TBL1X: variants seen among roughly 807,000 people sequenced by gnomAD.
The protein encoded by TBL1X is F-box-like/WD repeat-containing protein TBL1X.
TBL1X carries 10 observed loss-of-function variants against 50.7 expected under a neutral mutation model. That is an observed-to-expected ratio of 0.20 (90% CI 0.12 to 0.33). The LOEUF is 0.33. Among genes scored for constraint, TBL1X ranks in the 10% least tolerant of loss-of-function variants. TBL1X has a pLI of 1.00. For missense variants in TBL1X, 340 were observed against 504.4 expected, an observed-to-expected ratio of 0.67 and a Z score of 3.12; for synonymous variants, 190 against 214.7, an observed-to-expected ratio of 0.88 and a Z score of 1.01.
chrX:9,588,320 C>T (rs1261174398), intron 2 of TBL1X, among the ~76,000 whole-genome samples: 2 of 111,383 alleles, frequency 1.8e-5, no homozygotes, highest in Non-Finnish European at 3.8e-5. Flanking sequence ...TGCTCAGGGG[C>T]GGCTGCACCA....
intron 2 of TBL1X, among the ~76,000 whole-genome samples, chrX:9,634,645 C>T (rs2146582280): frequency 9.0e-6 from 1 of 110,924 alleles, no homozygotes; most frequent in East Asian, 2.8e-4. Context: ...AGCCACTGCG[C>T]CCAGCCTATT....
At chrX:9,537,308 A>T (rs1236653392) in intron 2 of TBL1X, among the ~76,000 whole-genome samples, 1 of 104,600 alleles carries the variant, frequency 9.6e-6, no homozygotes, top group South Asian at 4.8e-4. Flanking sequence ...CCGCCCCCCA[A>T]TTTTTTTTAT....
intron 2 of TBL1X, among the ~76,000 whole-genome samples, chrX:9,616,832 A>T (rs760179466): frequency 9.0e-6 from 1 of 111,669 alleles, no homozygotes; most frequent in African/African-American, 3.3e-5. Context: ...GTGAATTTCC[A>T]TTTGGTGAAG....
chrX:9,698,462 TC>T (rs1312681144), intron 12 of TBL1X, among the ~76,000 whole-genome samples: 1 of 111,869 alleles, frequency 8.9e-6, no homozygotes, highest in Non-Finnish European at 1.9e-5. Context: ...AAGGCTCCTC[TC>T]CCAGTGGACT....
rs749304892 is a variant in TBL1X at position 9,569,242 on chromosome X, CTG to C, written c.-131+67404_-131+67405del. ...CTGTCTTTGTGGTGTCTGCAGTGTG[CTG>C]TGTGTGTGTGGTGTGCTGTGTGTGT... On this transcript the variant is annotated intron_variant, in intron 2 of 17. Coordinates refer to ENST00000645353, the MANE Select transcript of TBL1X (RefSeq NM_005647.4). 2.6e-3 allele frequency among the ~76,000 whole-genome samples: 251 copies of C among 94,744 alleles called. 2 individuals carry two copies. Among genetic ancestry groups the C allele is most frequent in the African/African-American group, 9.2e-3 (225 of 24,560 alleles). 82.3% of individuals were successfully genotyped at this position (94,744 alleles called of 115,157 possible).
chrX:9,509,470 T>C (rs908567191), intron 2 of TBL1X, among the ~76,000 whole-genome samples: 40 of 101,375 alleles, frequency 3.9e-4, no homozygotes, highest in African/African-American at 1.3e-3. Flanking sequence ...TCATTTTGTA[T>C]GTACAGAATC....
chrX:9,693,010 T>C, intron 9 of TBL1X, 139 bp from the exon 10 acceptor site: 3 of 597,836 alleles, frequency 5.0e-6, no homozygotes, highest in Non-Finnish European at 8.3e-6. Context: ...CAGCATGGTA[T>C]TTTCAATTCT....
intron 1 of TBL1X, among the ~76,000 whole-genome samples, chrX:9,466,561 A>C (rs184960036): frequency 8.9e-6 from 1 of 112,248 alleles, no homozygotes; most frequent in Admixed American, 9.4e-5. Context: ...TCTGCTTTGC[A>C]TTGTCATGTG....
chrX:9,662,506 G>A (rs1051376327), intron 5 of TBL1X, among the ~76,000 whole-genome samples: 17 of 112,225 alleles, frequency 1.5e-4, no homozygotes, highest in African/African-American at 5.5e-4. Context: ...GGGATACCTC[G>A]AGGAGTCTAA....
At chrX:9,632,035 G>C (rs1273411785) in intron 2 of TBL1X, among the ~76,000 whole-genome samples, 1 of 112,333 alleles carries the variant, frequency 8.9e-6, no homozygotes, top group Non-Finnish European at 1.9e-5. Flanking sequence ...CTTCTGCCTT[G>C]CATAGCTTTT....
At chrX:9,656,733 G>C (rs2082866969) in intron 5 of TBL1X, among the ~76,000 whole-genome samples, 1 of 112,541 alleles carries the variant, frequency 8.9e-6, no homozygotes, top group South Asian at 3.7e-4. Flanking sequence ...TGTGTGTATT[G>C]TGGAACTTTT....
intron 2 of TBL1X, among the ~76,000 whole-genome samples, chrX:9,633,840 G>T (rs1330502735): frequency 8.9e-6 from 1 of 111,793 alleles, no homozygotes; most frequent in African/African-American, 3.3e-5. Context: ...GGGAGAGTCA[G>T]GCAAACCCTA....
At chrX:9,542,175 A>G (rs777730583) in intron 2 of TBL1X, among the ~76,000 whole-genome samples, 7 of 111,172 alleles carry the variant, frequency 6.3e-5, no homozygotes, top group African/African-American at 2.0e-4. Flanking sequence ...AAATTGATAA[A>G]TGACTTGATA....
chrX:9,569,172 G>A (rs2082370464), intron 2 of TBL1X, among the ~76,000 whole-genome samples: 1 of 106,698 alleles, frequency 9.4e-6, no homozygotes, highest in African/African-American at 3.5e-5. Context: ...GGTATGCTAT[G>A]TGTGTTGTGT....
In TBL1X at chrX:9,692,090, G is replaced by A. The variant is rs781258406; in HGVS notation, c.750-23G>A. 4 of 1,211,531 alleles carry A rather than the reference G, an allele frequency of 3.3e-6. No individual in the cohort carries two copies. The South Asian group carries it at 7.0e-5, about 21-fold the overall frequency. On this transcript the variant is annotated intron_variant, in intron 8 of 17. Coordinates refer to ENST00000645353, the MANE Select transcript of TBL1X (RefSeq NM_005647.4). Reference sequence around the variant, plus strand: ...ATCCCATTTGAACCAAACACCAGAGGCTCCTGTGTTTTTATTCTGTAGATC... The same window carrying A: ...ATCCCATTTGAACCAAACACCAGAGACTCCTGTGTTTTTATTCTGTAGATC...
chrX:9,690,051 G>A (rs1042244764), intron 7 of TBL1X, among the ~76,000 whole-genome samples: 1 of 112,379 alleles, frequency 8.9e-6, no homozygotes, highest in Non-Finnish European at 1.9e-5. Context: ...ATATGACAAA[G>A]CATGCTCAAT....
rs73476845 is a variant in TBL1X, at chrX:9,593,628, T to C, written c.-130-46645T>C. ...TGACCAAGGGGATGAGGAGGCTGGG[T>C]ACTCCAGTGATGGAGACCCTTTCCC... On this transcript the variant is annotated intron_variant, in intron 2 of 17. Coordinates refer to ENST00000645353, the MANE Select transcript of TBL1X (RefSeq NM_005647.4). 7.9e-3 allele frequency among the ~76,000 whole-genome samples: 875 copies of C among 110,224 alleles called. 8 individuals are homozygous for C. The highest frequency in any genetic ancestry group is 0.027 in the African/African-American group (816 of 30,287).
At chrX:9,578,718 TG>T (rs1244906685) in intron 2 of TBL1X, among the ~76,000 whole-genome samples, 1 of 111,965 alleles carries the variant, frequency 8.9e-6, no homozygotes, top group African/African-American at 3.3e-5. Context: ...TTAAAGATAC[TG>T]CAAATTGCGG....
rs2082907939 is a variant in TBL1X at position 9,663,083 on chromosome X, T to C, written c.211+8761T>C. Among the ~76,000 whole-genome samples the C allele has an allele frequency of 2.7e-5, 3 of 111,335 alleles. No individual in the cohort carries two copies. The Admixed American group carries it at 2.9e-4, about 11-fold the overall frequency. On this transcript the variant is annotated intron_variant, in intron 5 of 17. Coordinates refer to ENST00000645353, the MANE Select transcript of TBL1X (RefSeq NM_005647.4). ...CATGTGTAGATTGTTTTTCAGAGTT[T>C]AGAAAATTAGTCTCAAAGGGAAGAG...
Sources: gnomAD v4.1 joint callset for allele counts (sites outside exome capture counted in the v4.1 genomes callset) on GRCh38, gnomAD v4.1.1 for gene constraint, MANE v1.5 for transcripts, NCBI Gene and HGNC (gene_info 2026-07-23, HGNC 2026-07-21) for gene names.